The following NCK1 variants were observed in gnomAD, a reference collection of about 807,000 sequenced individuals.
The protein encoded by NCK1 is NCK adaptor protein 1, also known as SH2/SH3 adapter protein NCK1.
In NCK1, 19 loss-of-function variants were observed where a neutral mutation model predicts 36.6. That is an observed-to-expected ratio of 0.52 (90% CI 0.36 to 0.76). The LOEUF (loss-of-function observed/expected upper bound fraction) is 0.76. NCK1 is among the 30% of genes least tolerant of loss of function. NCK1 has a pLI of 0.00. For synonymous variants in NCK1, 165 were observed against 156.0 expected (o/e 1.06, Z -0.43); for missense variants, 358 against 445.6 (o/e 0.80, Z 1.77).
intron 1 of NCK1, among the ~76,000 whole-genome samples, chr3:136,912,162 CTTTTTTTT>C (rs57596314): frequency 1.6e-5 from 2 of 128,162 alleles, no homozygotes; most frequent in Non-Finnish European, 3.2e-5. Context: ...ATTATTTTTT[CTTTTTTTT>C]TTTTTTTTTT....
intron 1 of NCK1, among the ~76,000 whole-genome samples, chr3:136,920,610 C>A (rs914957878): frequency 6.6e-6 from 1 of 152,136 alleles, no homozygotes; most frequent in African/African-American, 2.4e-5. Flanking sequence ...CTTATTACCC[C>A]TCTGAACTAT....
intron 1 of NCK1, among the ~76,000 whole-genome samples, chr3:136,910,969 T>G (rs897486539): frequency 1.3e-5 from 2 of 152,208 alleles, no homozygotes; most frequent in African/African-American, 4.8e-5. Context: ...TACTCTCTAC[T>G]TCTATGAGTT....
chr3:136,942,844 C>A (rs1417999590), intron 2 of NCK1, among the ~76,000 whole-genome samples: 1 of 152,190 alleles, frequency 6.6e-6, no homozygotes, highest in Non-Finnish European at 1.5e-5. Flanking sequence ...TTTGCAAAAA[C>A]CACCCAGGAA....
chr3:136,933,032 A>G (rs1012854685), intron 2 of NCK1, among the ~76,000 whole-genome samples: 5 of 152,260 alleles, frequency 3.3e-5, no homozygotes, highest in African/African-American at 1.2e-4. Flanking sequence ...ATAGGAACAG[A>G]CAGTATTGTA....
chr3:136,948,331 G>T lies in NCK1; in HGVS notation c.1012G>T (p.Val338Phe). Residue 338 changes from valine to phenylalanine, a missense_variant, in exon 4 of 4, where the codon GTC (valine) becomes TTC (phenylalanine). By Grantham distance (50) the Val-to-Phe change is conservative. Transcript: ENST00000481752. ...KHFKVQLKET[V>F]YCIGQRKFST... ...TTTTAAAGTCCAACTAAAAGAGACT[G>T]TCTACTGCATTGGGCAGCGTAAATT... 1 of 1,612,860 alleles carries T rather than the reference G, an allele frequency of 6.2e-7. No homozygotes were observed. The highest frequency in any genetic ancestry group is 8.5e-7 in the Non-Finnish European group (1 of 1,179,182).
chr3:136,930,026 C>T (rs957791390), intron 2 of NCK1, among the ~76,000 whole-genome samples: 3 of 152,058 alleles, frequency 2.0e-5, no homozygotes, highest in Non-Finnish European at 2.9e-5. Context: ...TACCTTTATT[C>T]CAGGGTGCTT....
At chr3:136,875,488 G>T (rs538732552) in intron 1 of NCK1, among the ~76,000 whole-genome samples, 1 of 152,246 alleles carries the variant, frequency 6.6e-6, no homozygotes, top group East Asian at 1.9e-4. Flanking sequence ...ACAAAAAAAG[G>T]CAGGGATTGC....
intron 2 of NCK1, among the ~76,000 whole-genome samples, chr3:136,930,015 C>G (rs1200201683): frequency 1.3e-5 from 2 of 152,212 alleles, no homozygotes; most frequent in East Asian, 3.9e-4. Context: ...ACAGTTATTG[C>G]TACCTTTATT....
rs1279246171 is a variant in NCK1 at position 136,946,218 on chromosome 3, A to T, written c.862A>T (p.Thr288Ser). The T allele has an allele frequency of 6.2e-7, 1 of 1,613,522 alleles. No individual in the cohort carries two copies. The highest frequency in any genetic ancestry group is 8.5e-7 in the Non-Finnish European group (1 of 1,179,930). The change falls in exon 3 of 4, where the codon ACC becomes TCC. Residue 288 changes from threonine to serine, a missense_variant. Transcript: ENST00000481752. Reference sequence around the variant, plus strand: ...CAATCCTTGGTATTATGGCAAAGTCACCAGGCATCAAGCAGAAATGGCATT... The same window carrying T: ...CAATCCTTGGTATTATGGCAAAGTCTCCAGGCATCAAGCAGAAATGGCATT... ...AGNPWYYGKV[T>S]RHQAEMALNE...
intron 1 of NCK1, among the ~76,000 whole-genome samples, chr3:136,887,073 A>G (rs1939093504): frequency 6.6e-6 from 1 of 152,052 alleles, no homozygotes; most frequent in Non-Finnish European, 1.5e-5. Context: ...CGAACTCCTG[A>G]CCTCAGGTGA....
chr3:136,899,873 T>C, intron 1 of NCK1: 1 of 1,271,054 alleles, frequency 7.9e-7, no homozygotes, highest in Non-Finnish European at 1.1e-6. Flanking sequence ...CCATCCTTTT[T>C]TTTTTAGGGG....
intron 1 of NCK1, among the ~76,000 whole-genome samples, chr3:136,910,328 T>C (rs995699778): frequency 8.5e-5 from 13 of 152,208 alleles, no homozygotes; most frequent in African/African-American, 3.1e-4. Context: ...TAACTTCCTG[T>C]ACAGCTCCAT....
chr3:136,940,498 T>A (rs1176238770), intron 2 of NCK1, among the ~76,000 whole-genome samples: 2 of 152,188 alleles, frequency 1.3e-5, no homozygotes, highest in African/African-American at 4.8e-5. Flanking sequence ...ATGGACTGAT[T>A]CTTTTATCAA....
At chr3:136,923,099 A>ATG (rs932225347) in intron 1 of NCK1, among the ~76,000 whole-genome samples, 1 of 146,044 alleles carries the variant, frequency 6.8e-6, no homozygotes, top group African/African-American at 2.4e-5. Context: ...GTCTATGCCT[A>ATG]TGTGTATGTG....
At chr3:136,894,944 C>T (rs114877229) in intron 1 of NCK1, among the ~76,000 whole-genome samples, 2,651 of 152,196 alleles carry the variant, frequency 0.017, 87 homozygotes, top group African/African-American at 0.061. Flanking sequence ...ACTACTATCT[C>T]GGCTCACTGC....
intron 2 of NCK1, among the ~76,000 whole-genome samples, chr3:136,934,425 A>G (rs937157775): frequency 6.6e-6 from 1 of 151,956 alleles, no homozygotes; most frequent in East Asian, 1.9e-4. Context: ...AGCTGGGATT[A>G]CAGGTGCCTG....
intron 1 of NCK1, among the ~76,000 whole-genome samples, chr3:136,926,295 TAC>T (rs1940235264): frequency 6.6e-6 from 1 of 151,718 alleles, no homozygotes; most frequent in African/African-American, 2.4e-5. Flanking sequence ...TATTTTTTGA[TAC>T]AGAGTCTCGC....
chr3:136,904,040 T>A (rs1939616415), intron 1 of NCK1, among the ~76,000 whole-genome samples: 1 of 152,246 alleles, frequency 6.6e-6, no homozygotes, highest in South Asian at 2.1e-4. Flanking sequence ...AGTGGTGATA[T>A]ATTCCCTCAG....
chr3:136,915,891 A>G (rs907869933), intron 1 of NCK1, among the ~76,000 whole-genome samples: 1 of 151,882 alleles, frequency 6.6e-6, no homozygotes, highest in African/African-American at 2.4e-5. Context: ...ACGCCTGGCT[A>G]ACTTTTGTAT....
Sources: gnomAD v4.1 joint callset for allele counts (sites outside exome capture counted in the v4.1 genomes callset) on GRCh38, gnomAD v4.1.1 for gene constraint, MANE v1.5 for transcripts, NCBI Gene and HGNC (gene_info 2026-07-23, HGNC 2026-07-21) for gene names.